The following LACTB variants were observed in gnomAD, a reference collection of about 807,000 sequenced individuals.
LACTB encodes lactamase beta.
In LACTB, 35 loss-of-function variants were observed where a neutral mutation model predicts 50.2. That is an observed-to-expected ratio of 0.70 (90% CI 0.53 to 0.92). The LOEUF (loss-of-function observed/expected upper bound fraction) is 0.92, where lower values mean the gene tolerates loss of function less well. Among genes scored for constraint, LACTB ranks in the 40% least tolerant of loss-of-function variants. The pLI is 0.00. For synonymous variants in LACTB, 252 were observed against 268.2 expected (o/e 0.94, Z 0.59); for missense variants, 664 against 691.8 (o/e 0.96, Z 0.45).
At chr15:63,136,359 G>T (rs187780666) in intron 5 of LACTB, among the ~76,000 whole-genome samples, 1 of 152,080 alleles carries the variant, frequency 6.6e-6, no homozygotes, top group Non-Finnish European at 1.5e-5. Flanking sequence ...GAAAAAAGGC[G>T]ATGGGTTTCT....
chr15:63,129,402 A>T (rs901139623), intron 4 of LACTB, 83 bp from the exon 5 acceptor site: 2 of 1,255,540 alleles, frequency 1.6e-6, no homozygotes, highest in African/African-American at 3.1e-5. Context: ...AAGTATGCCA[A>T]TTTTCAGTGG....
chr15:63,134,439 C>T lies in LACTB; in HGVS notation c.1118+4789C>T, dbSNP rs572323550. Among the ~76,000 whole-genome samples, 14 of 152,214 alleles carry T rather than the reference C, an allele frequency of 9.2e-5. No individual in the cohort carries two copies. In the East Asian group the frequency reaches 1.2e-3, roughly 13 times the overall value. ...AAGCCTTTAAGAGGCCAGATTCATC[C>T]ATCTTACTGCTCCTCTCTCCACAGT... On this transcript the variant is annotated intron_variant, in intron 5 of 5. Coordinates refer to ENST00000261893, the MANE Select transcript of LACTB (RefSeq NM_032857.5).
At position 63,122,222 on chromosome 15, in the gene LACTB, G is replaced by A. The variant is rs2036983362; in HGVS notation, c.351G>A (p.Arg117=). Reference sequence around the variant, plus strand: ...AGAGCAGCCGCGACCTGCTGCACAGGATCAAGGTGCGGCCACTGGAGCGGG... The same window carrying A: ...AGAGCAGCCGCGACCTGCTGCACAGAATCAAGGTGCGGCCACTGGAGCGGG... ...AIESSRDLLH[R]IKDEVGAPGI... The change falls in exon 1 of 6, where the codon AGG becomes AGA. Residue 117 remains arginine, a synonymous_variant. Coordinates refer to ENST00000261893, the MANE Select transcript of LACTB (RefSeq NM_032857.5). 6 of 1,559,336 alleles carry A rather than the reference G, an allele frequency of 3.8e-6. No individual in the cohort carries two copies. The highest frequency in any genetic ancestry group is 4.7e-5 in the East Asian group (2 of 42,796).
chr15:63,132,819 T>TC (rs71131144), intron 5 of LACTB, among the ~76,000 whole-genome samples: 7 of 143,388 alleles, frequency 4.9e-5, no homozygotes, highest in Admixed American at 6.9e-5. Flanking sequence ...AGACCCCATT[T>TC]AAAAAAAATT....
intron 2 of LACTB, 73 bp downstream of exon 2, chr15:63,122,775 A>G (rs1006943234): frequency 3.6e-5 from 36 of 990,304 alleles, no homozygotes; most frequent in Non-Finnish European, 5.5e-5. Context: ...GTTAGAGTGG[A>G]TCCCATGAAA....
chr15:63,141,833 A>C lies in LACTB; in HGVS notation c.*28A>C. ...ACCTTAACACCATAGGTGCAAAATG[A>C]GTTGTTCTGAGGTTTTTTTGAAACA... On this transcript the variant is annotated 3_prime_UTR_variant, in exon 6 of 6. Coordinates refer to ENST00000261893, the MANE Select transcript of LACTB (RefSeq NM_032857.5). 6.4e-7 allele frequency: 1 copy of C among 1,569,252 alleles called. No homozygotes were observed. The highest frequency in any genetic ancestry group is 8.7e-7 in the Non-Finnish European group (1 of 1,153,086).
chr15:63,140,006 C>CT (rs2037214181), intron 5 of LACTB, among the ~76,000 whole-genome samples: 1 of 151,858 alleles, frequency 6.6e-6, no homozygotes, highest in African/African-American at 2.4e-5. Context: ...GCTCAAGAGG[C>CT]TGAGGCAGGA....
rs533248895 is a variant in LACTB at position 63,129,573 on chromosome 15, G to A, written c.1041G>A (p.Met347Ile). 42 of 1,613,380 alleles carry A rather than the reference G, an allele frequency of 2.6e-5. No homozygotes were observed. The South Asian group carries it at 4.5e-4, about 17-fold the overall frequency. ...RASGCKYLDY[M>I]QKIFHDLDML... Reference sequence around the variant, plus strand: ...CAGGATGTAAATATTTGGACTATATGCAGAAAATATTCCATGACTTGGATA... The same window carrying A: ...CAGGATGTAAATATTTGGACTATATACAGAAAATATTCCATGACTTGGATA... Residue 347 changes from methionine to isoleucine, a missense_variant, in exon 5 of 6, where the codon ATG becomes ATA. Coordinates refer to ENST00000261893, the MANE Select transcript of LACTB (RefSeq NM_032857.5).
intron 5 of LACTB, chr15:63,131,556 T>C (rs532853726): frequency 7.2e-5 from 11 of 152,346 alleles, no homozygotes; most frequent in African/African-American, 2.6e-4. Context: ...TACCACATAA[T>C]AGAGCTAACC....
At chr15:63,139,910 C>T (rs1383956662) in intron 5 of LACTB, among the ~76,000 whole-genome samples, 3 of 143,176 alleles carry the variant, frequency 2.1e-5, no homozygotes, top group Non-Finnish European at 4.5e-5. Context: ...CCAGGCTGGA[C>T]AACAGTGAGA....
chr15:63,126,720 G>A (rs2037057605), intron 2 of LACTB, 139 bp from the exon 3 acceptor site: 2 of 470,134 alleles, frequency 4.3e-6, no homozygotes, highest in Non-Finnish European at 7.6e-6. Context: ...CATGTCCAGT[G>A]TTAAGTAACT....
At chr15:63,124,208 T>C (rs2037018210) in intron 2 of LACTB, among the ~76,000 whole-genome samples, 1 of 152,206 alleles carries the variant, frequency 6.6e-6, no homozygotes, top group Non-Finnish European at 1.5e-5. Context: ...TCCCCTCAGC[T>C]CCTATCTCTG....
At position 63,132,938 on chromosome 15, in the gene LACTB, TTAATA is replaced by T. The variant is rs1398471093; in HGVS notation, c.1118+3289_1118+3293del. On this transcript the variant is annotated intron_variant, in intron 5 of 5. Transcript: ENST00000261893. ...ACAGTGAGGCATCCTTAGGTACTTTTTAATAAGTTTTAAGATTTAAAACATTTAAA... is the reference window on the plus strand; with the variant it reads ...ACAGTGAGGCATCCTTAGGTACTTTTAGTTTTAAGATTTAAAACATTTAAA... 1.4e-4 allele frequency among the ~76,000 whole-genome samples: 21 copies of T among 152,350 alleles called. 1 individual carries two copies. In the East Asian group the frequency reaches 4.0e-3, roughly 29 times the overall value.
Position 63,121,890 on chromosome 15 carries a change from G to T in LACTB, c.19G>T (p.Ala7Ser). Reference sequence around the variant, plus strand: ...AGACGCCATGTACCGGCTCATGTCAGCAGTGACTGCCCGGGCTGCCGCCCC... The same window carrying T: ...AGACGCCATGTACCGGCTCATGTCATCAGTGACTGCCCGGGCTGCCGCCCC... MYRLMS[A>S]VTARAAAPGG... The change falls in exon 1 of 6, where the codon GCA becomes TCA. Residue 7 changes from alanine to serine, a missense_variant. Ala to Ser is a moderately conservative substitution (Grantham distance 99). Coordinates refer to ENST00000261893, the MANE Select transcript of LACTB (RefSeq NM_032857.5). 2 of 1,416,772 alleles carry T rather than the reference G, an allele frequency of 1.4e-6. No individual in the cohort carries two copies. The highest frequency in any genetic ancestry group is 1.8e-6 in the Non-Finnish European group (2 of 1,091,088). 87.8% of individuals were successfully genotyped at this position (1,416,772 alleles called of 1,614,324 possible).
Position 63,127,641 on chromosome 15 carries a change from A to T in LACTB, c.904A>T (p.Ile302Phe), listed in dbSNP as rs142381405. 137 of 1,608,718 alleles carry T rather than the reference A, an allele frequency of 8.5e-5. No homozygotes were observed. Among genetic ancestry groups the T allele is most frequent in the Non-Finnish European group, 9.4e-5 (111 of 1,176,436 alleles). The change falls in exon 4 of 6, where the codon ATT becomes TTT. Residue 302 changes from isoleucine (I) to phenylalanine (F), a missense_variant. By Grantham distance (21) the Ile-to-Phe change is conservative (BLOSUM62 0). Transcript: ENST00000261893. Reference sequence around the variant, plus strand: ...TTTGAGAGAAAAGTTTGAAAATTCAATTGAATCCCTAAGATTATTTAAAAA... The same window carrying T: ...TTTGAGAGAAAAGTTTGAAAATTCATTTGAATCCCTAAGATTATTTAAAAA... ...LYLREKFENS[I>F]ESLRLFKNDP...
In LACTB at chr15:63,141,419, G is replaced by A. The variant is rs2037227178; in HGVS notation, c.1258G>A (p.Val420Ile). The change falls in exon 6 of 6, where the codon GTT (valine) becomes ATT (isoleucine). Residue 420 changes from valine to isoleucine, a missense_variant. Physicochemically the swap from Val to Ile is conservative, Grantham distance 29. Coordinates refer to ENST00000261893, the MANE Select transcript of LACTB (RefSeq NM_032857.5). ...GAATGCAATGCTTTATGGTTACCAA[G>A]TTGGGCTGTTTAAGAACTCAAATGA... ...FGNAMLYGYQ[V>I]GLFKNSNENL... 4.3e-6 allele frequency: 7 copies of A among 1,614,224 alleles called. No individual in the cohort carries two copies. In the Middle Eastern group the frequency reaches 6.6e-4, roughly 152 times the overall value.
At chr15:63,139,862 C>T (rs1429152929) in intron 5 of LACTB, among the ~76,000 whole-genome samples, 2 of 150,428 alleles carry the variant, frequency 1.3e-5, no homozygotes, top group African/African-American at 2.5e-5. Flanking sequence ...CTTTGGGAGG[C>T]AGAGGCGAGT....
intron 2 of LACTB, among the ~76,000 whole-genome samples, chr15:63,124,952 A>C (rs1397254203): frequency 3.3e-5 from 2 of 60,784 alleles, no homozygotes; most frequent in African/African-American, 5.0e-5. Context: ...ACTCTGTCTC[A>C]AAAAAAAAGA....
intron 5 of LACTB, among the ~76,000 whole-genome samples, chr15:63,140,297 T>C (rs925633941): frequency 1.3e-5 from 2 of 152,094 alleles, no homozygotes; most frequent in Non-Finnish European, 2.9e-5. Flanking sequence ...AAAGCAGAGA[T>C]TGAATAAATA....
Sources: gnomAD v4.1 joint callset for allele counts (sites outside exome capture counted in the v4.1 genomes callset) on GRCh38, gnomAD v4.1.1 for gene constraint, MANE v1.5 for transcripts, NCBI Gene and HGNC (gene_info 2026-07-23, HGNC 2026-07-21) for gene names.